The following TINAG variants were observed in gnomAD, a reference collection of about 807,000 sequenced individuals.
TINAG encodes the protein tubulointerstitial nephritis antigen.
A neutral mutation model predicts 72.7 loss-of-function variants in TINAG; 83 were observed. That is an observed-to-expected ratio of 1.14 (90% CI 0.96 to 1.37). The LOEUF (loss-of-function observed/expected upper bound fraction) is 1.37, where lower values mean the gene tolerates loss of function less well. Ranked by LOEUF, TINAG falls within the 40% of genes most tolerant of loss-of-function variation. The pLI, the probability that TINAG is intolerant of heterozygous loss-of-function variation, is 0.00. For missense variants in TINAG, 685 were observed against 576.6 expected, an observed-to-expected ratio of 1.19 and a Z score of -1.93; for synonymous variants, 234 against 189.9, an observed-to-expected ratio of 1.23 and a Z score of -1.91.
intron 10 of TINAG, among the ~76,000 whole-genome samples, chr6:54,388,283 C>T (rs9474831): frequency 0.086 from 13,098 of 152,122 alleles, 1,003 homozygotes; most frequent in East Asian, 0.29. Context: ...GACGCTGTTT[C>T]CTTCTCAGCT....
rs181860918 is a variant in TINAG, at chr6:54,340,696, A to G, written c.625-2530A>G. ...AAATGGTAAAAATCTTGAAAATCCA[A>G]CAGATGATCTTCATAAATTGATCTG... On this transcript the variant is annotated intron_variant, in intron 4 of 10. Coordinates refer to ENST00000259782, the MANE Select transcript of TINAG (RefSeq NM_014464.4). 2.5e-3 allele frequency among the ~76,000 whole-genome samples: 379 copies of G among 152,258 alleles called. 4 individuals carry two copies. The highest frequency in any genetic ancestry group is 5.0e-3 in the Admixed American group (77 of 15,288).
At chr6:54,378,828 A>C (rs531432075) in intron 9 of TINAG, among the ~76,000 whole-genome samples, 1 of 152,240 alleles carries the variant, frequency 6.6e-6, no homozygotes, top group Non-Finnish European at 1.5e-5. Flanking sequence ...TCTATCAGGA[A>C]TAGGAGAAAG....
Position 54,389,835 on chromosome 6 carries a change from T to G in TINAG, c.1341T>G (p.Tyr447Ter), listed in dbSNP as rs567840700. The change falls in exon 11 of 11, where the codon TAT becomes TAG. Residue 447 changes from tyrosine to a stop codon, truncating the protein, a stop_gained. Transcript: ENST00000259782. LOFTEE classifies it high-confidence loss of function. ...SWGKSWGENG[Y>*]FRILRGVNES... ...GAAAGTCATGGGGAGAGAATGGCTA[T>G]TTCAGGATTCTTCGAGGAGTAAATG... 1 of 1,608,760 alleles carries G rather than the reference T, an allele frequency of 6.2e-7. No homozygotes were observed. The highest frequency in any genetic ancestry group is 8.5e-7 in the Non-Finnish European group (1 of 1,178,074).
At chr6:54,362,764 C>A (rs535682960) in intron 9 of TINAG, among the ~76,000 whole-genome samples, 2 of 151,436 alleles carry the variant, frequency 1.3e-5, no homozygotes, top group South Asian at 4.2e-4. Flanking sequence ...CCATTAAGAA[C>A]ACTTGTGATT....
chr6:54,314,577 C>T (rs959980105), intron 1 of TINAG, among the ~76,000 whole-genome samples: 1 of 149,494 alleles, frequency 6.7e-6, no homozygotes, highest in Non-Finnish European at 1.5e-5. Flanking sequence ...TGGGAATAAC[C>T]AGCAATCTCT....
At chr6:54,309,444 T>A (rs1784188256) in intron 1 of TINAG, among the ~76,000 whole-genome samples, 1 of 152,202 alleles carries the variant, frequency 6.6e-6, no homozygotes, top group Non-Finnish European at 1.5e-5. Context: ...ACCAAATGTA[T>A]TCTTCACGTG....
chr6:54,325,531 C>T (rs1045406917), intron 3 of TINAG, among the ~76,000 whole-genome samples: 2 of 152,152 alleles, frequency 1.3e-5, no homozygotes, highest in African/African-American at 2.4e-5. Flanking sequence ...CACACACATA[C>T]AGACACAGAG....
chr6:54,321,472 C>A, intron 3 of TINAG, 86 bp downstream of exon 3: 1 of 905,394 alleles, frequency 1.1e-6, no homozygotes, highest in South Asian at 1.5e-5. Context: ...TATAAATGGT[C>A]ATTGTTTAAA....
In TINAG at chr6:54,374,711, T is replaced by C. The variant is rs148689783; in HGVS notation, c.1251-5815T>C. ...CCTATATCCAGTGTAGTTGTATCATTGTTATTGACTTGAAGCCCATCTAGT... is the reference window on the plus strand; with the variant it reads ...CCTATATCCAGTGTAGTTGTATCATCGTTATTGACTTGAAGCCCATCTAGT... On this transcript the variant is annotated intron_variant, in intron 9 of 10. Transcript: ENST00000259782. Among the ~76,000 whole-genome samples the C allele has an allele frequency of 3.0e-3, 450 of 152,206 alleles. 2 individuals carry two copies. Among genetic ancestry groups the C allele is most frequent in the African/African-American group, 9.8e-3 (409 of 41,564 alleles).
intron 8 of TINAG, 74 bp from the exon 9 acceptor site, chr6:54,354,439 C>A (rs572993004): frequency 1.4e-6 from 2 of 1,389,152 alleles, no homozygotes; most frequent in African/African-American, 3.0e-5. Context: ...TTGGTTGTTC[C>A]GTGAAATTTT....
chr6:54,331,883 C>T (rs1464439476), intron 4 of TINAG, among the ~76,000 whole-genome samples: 2 of 152,098 alleles, frequency 1.3e-5, no homozygotes, highest in Non-Finnish European at 1.5e-5. Context: ...AATAAGATAC[C>T]TCAGAATACA....
rs762514418 is a variant in TINAG at position 54,351,384 on chromosome 6, T to C, written c.1113T>C (p.Asn371=). The C allele has an allele frequency of 1.2e-6, 2 of 1,610,292 alleles. No homozygotes were observed. The highest frequency in any genetic ancestry group is 1.7e-6 in the Non-Finnish European group (2 of 1,177,896). ...AGATAATGAAAGAAATCATGCAAAATGGACCAGTTCAAGGTAAGCTTGAAT... is the reference window on the plus strand; with the variant it reads ...AGATAATGAAAGAAATCATGCAAAACGGACCAGTTCAAGGTAAGCTTGAAT... ...ETEIMKEIMQ[N]GPVQAIMQVR... The change falls in exon 8 of 11, where the codon AAT becomes AAC. Residue 371 remains asparagine, a synonymous_variant. Coordinates refer to ENST00000259782, the MANE Select transcript of TINAG (RefSeq NM_014464.4).
intron 5 of TINAG, among the ~76,000 whole-genome samples, 157 bp downstream of exon 5, chr6:54,343,506 T>C (rs1785049712): frequency 2.0e-5 from 3 of 151,466 alleles, no homozygotes; most frequent in African/African-American, 4.9e-5. Context: ...CTGAAGATTA[T>C]ATAAAAAATC....
chr6:54,385,066 A>G (rs1764060304), intron 10 of TINAG, among the ~76,000 whole-genome samples: 1 of 152,190 alleles, frequency 6.6e-6, no homozygotes, highest in African/African-American at 2.4e-5. Context: ...AAGAAAGGTT[A>G]AAATTGATTC....
At chr6:54,365,000 T>G (rs1266024105) in intron 9 of TINAG, among the ~76,000 whole-genome samples, 1 of 151,566 alleles carries the variant, frequency 6.6e-6, no homozygotes, top group South Asian at 2.1e-4. Flanking sequence ...TCCATTTATC[T>G]TTTCTTTTTC....
Position 54,317,198 on chromosome 6 carries a change from T to C in TINAG, c.356-3381T>C, listed in dbSNP as rs148856761. ...GAGTTCTGAATCCCATCTTCTCTTATCTTTTCAATACCTCCATCTCTACCA... is the reference window on the plus strand; with the variant it reads ...GAGTTCTGAATCCCATCTTCTCTTACCTTTTCAATACCTCCATCTCTACCA... On this transcript the variant is annotated intron_variant, in intron 1 of 10. Transcript: ENST00000259782. Among the ~76,000 whole-genome samples the C allele has an allele frequency of 1.4e-3, 217 of 152,228 alleles. 2 individuals carry two copies. Among genetic ancestry groups the C allele is most frequent in the African/African-American group, 5.0e-3 (209 of 41,568 alleles).
chr6:54,340,619 C>T (rs1266343104), intron 4 of TINAG, among the ~76,000 whole-genome samples: 1 of 151,974 alleles, frequency 6.6e-6, no homozygotes, highest in Non-Finnish European at 1.5e-5. Context: ...AAATATGTGC[C>T]TGCTGCTCCT....
At chr6:54,318,786 G>A (rs551817958) in intron 1 of TINAG, among the ~76,000 whole-genome samples, 34 of 152,206 alleles carry the variant, frequency 2.2e-4, no homozygotes, top group Non-Finnish European at 2.9e-4. Context: ...AGTGGACTGC[G>A]TCTGGGTATT....
chr6:54,371,709 A>C (rs1295487665), intron 9 of TINAG, among the ~76,000 whole-genome samples: 1 of 152,080 alleles, frequency 6.6e-6, no homozygotes, highest in African/African-American at 2.4e-5. Flanking sequence ...GATCTTAGAT[A>C]ATGTGATTCT....
Sources: allele counts gnomAD v4.1 joint callset (sites outside exome capture counted in the v4.1 genomes callset), GRCh38; gene constraint gnomAD v4.1.1; transcripts MANE v1.5; gene names NCBI Gene and HGNC (gene_info 2026-07-23, HGNC 2026-07-21).